The following SDC1 variants were observed in gnomAD, a reference collection of about 807,000 sequenced individuals.
SDC1 encodes the protein syndecan 1.
Under a neutral mutation model 29.7 loss-of-function variants are expected in SDC1, and 14 were observed. The ratio of observed to expected loss-of-function variants is 0.47; its 90% CI spans 0.31 to 0.74. The LOEUF is 0.74. Among genes scored for constraint, SDC1 ranks in the 30% least tolerant of loss-of-function variants. The pLI is 0.05. For synonymous variants in SDC1, 204 were observed against 175.5 expected, an observed-to-expected ratio of 1.16 and a Z score of -1.29; for missense variants, 406 against 400.3, an observed-to-expected ratio of 1.01 and a Z score of -0.12.
intron 1 of SDC1, among the ~76,000 whole-genome samples, chr2:20,219,840 G>A (rs1677757470): frequency 6.6e-6 from 1 of 152,240 alleles, no homozygotes; most frequent in Admixed American, 6.5e-5. Context: ...ACCCCCAGCA[G>A]GACCTGGTGT....
chr2:20,202,042 A>T lies in SDC1; in HGVS notation c.*724T>A, dbSNP rs1332666768. 1 of 529,022 alleles carries T rather than the reference A, an allele frequency of 1.9e-6. No individual in the cohort carries two copies. The highest frequency in any genetic ancestry group is 4.6e-4 in the Middle Eastern group (1 of 2,196). The allele number at this position is 529,022 out of a possible 1,614,324, so 32.8% of individuals were successfully genotyped here. A position where few individuals can be genotyped will look rare whatever the true frequency, so the allele number is the denominator to read the frequency against. On this transcript the variant is annotated 3_prime_UTR_variant, in exon 5 of 5. Transcript: ENST00000254351. ...TGCACACATGAGCGACAAACTCAAG[A>T]GACAACACACAAACTAAGCCTACAT...
chr2:20,208,208 A>T lies in SDC1; in HGVS notation c.67-2784T>A, dbSNP rs937006439. On this transcript the variant is annotated intron_variant, in intron 1 of 4. Coordinates refer to ENST00000254351, the MANE Select transcript of SDC1 (RefSeq NM_002997.5). ...GAGACACCGCCCAGTGAGACCCAGG[A>T]ACGCCAGGGAGGCCCCAACACGTTA... 6.7e-6 allele frequency: 5 copies of T among 747,790 alleles called. No individual in the cohort carries two copies. In the African/African-American group the frequency reaches 9.5e-5, roughly 14 times the overall value. The allele number at this position is 747,790 out of a possible 1,614,324, so 46.3% of individuals were successfully genotyped here.
Position 20,202,186 on chromosome 2 carries a change from TACTTA to T in SDC1, c.*575_*579del, listed in dbSNP as rs1677032112. On this transcript the variant is annotated 3_prime_UTR_variant, in exon 5 of 5. Coordinates refer to ENST00000254351, the MANE Select transcript of SDC1 (RefSeq NM_002997.5). Reference sequence around the variant, plus strand: ...AAGATGGGGGGATACCGAATCAACTTACTTAACTTACCTCAGAAGTAACAAGGTCT... The same window carrying T: ...AAGATGGGGGGATACCGAATCAACTTACTTACCTCAGAAGTAACAAGGTCT... 1 of 710,726 alleles carries T rather than the reference TACTTA, an allele frequency of 1.4e-6. No homozygotes were observed. Among genetic ancestry groups the T allele is most frequent in the African/African-American group, 1.8e-5 (1 of 56,436 alleles). The allele number at this position is 710,726 out of a possible 1,614,324, so 44.0% of individuals were successfully genotyped here.
At chr2:20,203,729 G>A (rs1050418053) in intron 3 of SDC1, 84 bp downstream of exon 3, 25 of 1,023,878 alleles carry the variant, frequency 2.4e-5, no homozygotes, top group South Asian at 1.3e-4. Flanking sequence ...CGAGATGCCC[G>A]CAGGGCACAG....
At chr2:20,208,140 C>G (rs1025388766) in intron 1 of SDC1, 47 of 985,038 alleles carry the variant, frequency 4.8e-5, no homozygotes, top group Admixed American at 6.1e-5. Context: ...GCAACCGAAG[C>G]CCACAGGGAA....
chr2:20,209,502 C>T lies in SDC1; in HGVS notation c.67-4078G>A, dbSNP rs542400086. On this transcript the variant is annotated intron_variant, in intron 1 of 4. Coordinates refer to ENST00000254351, the MANE Select transcript of SDC1 (RefSeq NM_002997.5). ...GTCGCTGAGCCTGCCCCAGTGGTGA[C>T]GCTACCCAGGGACCAGCCCACATTT... Among the ~76,000 whole-genome samples, 145 of 152,288 alleles carry T rather than the reference C, an allele frequency of 9.5e-4. 1 individual carries two copies. Among genetic ancestry groups the T allele is most frequent in the African/African-American group, 3.3e-3 (136 of 41,558 alleles).
At chr2:20,223,204 T>C in intron 1 of SDC1, 1 of 1,285,246 alleles carries the variant, frequency 7.8e-7, no homozygotes, top group South Asian at 1.2e-5. Context: ...ACGAGTCACC[T>C]GGGAAGCAGG....
Position 20,202,826 on chromosome 2 carries a change from C to A in SDC1, c.873G>T (p.Pro291=). The A allele has an allele frequency of 6.2e-7, 1 of 1,613,686 alleles. No individual in the cohort carries two copies. Among genetic ancestry groups the A allele is most frequent in the Non-Finnish European group, 8.5e-7 (1 of 1,179,804 alleles). The change falls in exon 5 of 5, where the codon CCG becomes CCT. Residue 291 remains proline, a synonymous_variant. Transcript: ENST00000254351. ...KDEGSYSLEE[P]KQANGGAYQK... The stretch of plus-strand genomic sequence containing the variant: ...GGTAGGCCCCGCCGTTGGCTTGTTT[C>A]GGCTCCTCCAAGGAGTAGCTGCCTT...
rs1320284983 is a variant in SDC1, at chr2:20,218,654, CAG to C, written c.66+6146_66+6147del. On this transcript the variant is annotated intron_variant, in intron 1 of 4. Transcript: ENST00000254351. Reference sequence around the variant, plus strand: ...ATAAACACACAGACACACACACACACAGAGACACACGTACACACGGACACACA... The same window carrying C: ...ATAAACACACAGACACACACACACACAGACACACGTACACACGGACACACA... 4.5e-4 allele frequency among the ~76,000 whole-genome samples: 67 copies of C among 149,652 alleles called. 1 individual carries two copies. The highest frequency in any genetic ancestry group is 4.3e-3 in the Admixed American group (65 of 15,102).
intron 1 of SDC1, among the ~76,000 whole-genome samples, chr2:20,211,151 G>A (rs560955477): frequency 6.6e-6 from 1 of 152,036 alleles, no homozygotes; most frequent in Non-Finnish European, 1.5e-5. Context: ...TCAGCTTCAG[G>A]GTCCCCAAGA....
At chr2:20,221,920 T>C (rs1677834113) in intron 1 of SDC1, among the ~76,000 whole-genome samples, 1 of 152,088 alleles carries the variant, frequency 6.6e-6, no homozygotes, top group African/African-American at 2.4e-5. Context: ...CCTCCCCCCA[T>C]ACCCTCTCTG....
chr2:20,203,824 A>G lies in SDC1; in HGVS notation c.616T>C (p.Ser206Pro). The change falls in exon 3 of 5, where the codon TCT becomes CCT. Residue 206 changes from serine (S) to proline (P), a missense_variant. Coordinates refer to ENST00000254351, the MANE Select transcript of SDC1 (RefSeq NM_002997.5). Reference protein sequence around the residue: ...ASSQLPAAEGSGEQDFTFETS... With the variant: ...ASSQLPAAEGPGEQDFTFETS... ...CAGAGGCCACTCACCTGCTCCCCAGAGCCCTCTGCTGCTGGGAGCTGACTG... is the reference window on the plus strand; with the variant it reads ...CAGAGGCCACTCACCTGCTCCCCAGGGCCCTCTGCTGCTGGGAGCTGACTG... 2 of 1,587,632 alleles carry G rather than the reference A, an allele frequency of 1.3e-6. No homozygotes were observed. Among genetic ancestry groups the G allele is most frequent in the Non-Finnish European group, 1.7e-6 (2 of 1,170,472 alleles).
In SDC1 at chr2:20,224,692, A is replaced by C; in HGVS notation, c.66+110T>G. 2 of 1,157,440 alleles carry C rather than the reference A, an allele frequency of 1.7e-6. No homozygotes were observed. The highest frequency in any genetic ancestry group is 2.1e-6 in the Non-Finnish European group (2 of 930,496). The allele number at this position is 1,157,440 out of a possible 1,614,324, so 71.7% of individuals were successfully genotyped here. A position where few individuals can be genotyped will look rare whatever the true frequency, so the allele number is the denominator to read the frequency against. On this transcript the variant is annotated intron_variant, in intron 1 of 4. Transcript: ENST00000254351. This position sits in a 1 kb window ranked among gnomAD's most constrained non-coding sequence, Gnocchi z 4.9. ...CGGGACCCGCTGGGCTAGCGCGGGA[A>C]GAAGGGAAGTCTTCGCTCCCCCTCC...
chr2:20,207,363 T>C, intron 1 of SDC1: 1 of 979,966 alleles, frequency 1.0e-6, no homozygotes, highest in Non-Finnish European at 1.2e-6. Context: ...ACAAGTCACA[T>C]TCCGCCAAGG....
intron 1 of SDC1, among the ~76,000 whole-genome samples, chr2:20,208,884 G>GT (rs1193343942): frequency 6.6e-6 from 1 of 152,214 alleles, no homozygotes; most frequent in African/African-American, 2.4e-5. Context: ...TTTGTGCTAG[G>GT]TAAGATCTAG....
chr2:20,221,621 AAAT>A (rs1178594775), intron 1 of SDC1, among the ~76,000 whole-genome samples: 2 of 152,238 alleles, frequency 1.3e-5, no homozygotes, highest in African/African-American at 4.8e-5. Context: ...CTTGATGAAA[AAAT>A]ATGAATACAC....
chr2:20,225,031 C>T lies in SDC1; in HGVS notation c.-164G>A. On this transcript the variant is annotated 5_prime_UTR_variant, in exon 1 of 5. Coordinates refer to ENST00000254351, the MANE Select transcript of SDC1 (RefSeq NM_002997.5). ...CCGGCTGGAGTCCGCTCTCTACTGC[C>T]GGATTCCTCTCCGCTCGGCTCGGAT... 1.2e-6 allele frequency: 1 copy of T among 852,568 alleles called. No individual in the cohort carries two copies. Among genetic ancestry groups the T allele is most frequent in the Non-Finnish European group, 1.5e-6 (1 of 660,110 alleles). 52.8% of individuals were successfully genotyped at this position (852,568 alleles called of 1,614,324 possible).
Position 20,207,885 on chromosome 2 carries a change from C to A in SDC1, c.67-2461G>T. 9.7e-6 allele frequency: 9 copies of A among 927,638 alleles called. No individual in the cohort carries two copies. The South Asian group carries it at 4.5e-4, about 46-fold the overall frequency. The allele number at this position is 927,638 out of a possible 1,614,324, so 57.5% of individuals were successfully genotyped here. The stretch of plus-strand genomic sequence containing the variant: ...CTCCTTCATCATCAAAGAATACTGC[C>A]CACCGGGGGATCACAGAGTGGGCAC... On this transcript the variant is annotated intron_variant, in intron 1 of 4. Transcript: ENST00000254351.
chr2:20,220,862 TG>T (rs1207703779), intron 1 of SDC1, among the ~76,000 whole-genome samples: 1 of 152,108 alleles, frequency 6.6e-6, no homozygotes, highest in African/African-American at 2.4e-5. Context: ...AAATCAAACA[TG>T]TGGTGAAGAG....
Sources: allele counts gnomAD v4.1 joint callset (sites outside exome capture counted in the v4.1 genomes callset), GRCh38; gene constraint gnomAD v4.1.1; non-coding constraint Gnocchi (gnomAD v3.1); transcripts MANE v1.5; gene names NCBI Gene and HGNC (gene_info 2026-07-23, HGNC 2026-07-21).